IFT88: variants seen among roughly 807,000 people sequenced by gnomAD.
IFT88 encodes the protein intraflagellar transport protein 88 homolog.
IFT88 carries 74 observed loss-of-function variants against 119.5 expected under a neutral mutation model. The observed-to-expected ratio is 0.62, with a 90% CI of 0.51 to 0.75. The LOEUF is 0.75. Among genes scored for constraint, IFT88 ranks in the 30% least tolerant of loss-of-function variants. The probability of loss-of-function intolerance (pLI) is 0.00; values close to 1 mark genes in which losing one functional copy is unlikely to be tolerated. For synonymous variants in IFT88, 279 were observed against 316.7 expected (o/e 0.88, Z 1.26); for missense variants, 961 against 977.7 (o/e 0.98, Z 0.23).
intron 7 of IFT88, among the ~76,000 whole-genome samples, chr13:20,592,799 A>G (rs1044229862): frequency 6.6e-6 from 1 of 152,078 alleles, no homozygotes; most frequent in Non-Finnish European, 1.5e-5. Flanking sequence ...TGACTTCCAT[A>G]AGAATTACAT....
At chr13:20,589,413 A>T (rs2040280676) in intron 3 of IFT88, among the ~76,000 whole-genome samples, 2 of 152,196 alleles carry the variant, frequency 1.3e-5, no homozygotes, top group African/African-American at 4.8e-5. Flanking sequence ...AAGAGATTAA[A>T]TAAAGGTATC....
At chr13:20,679,525 G>A (rs1442737306) in intron 24 of IFT88, among the ~76,000 whole-genome samples, 1 of 152,294 alleles carries the variant, frequency 6.6e-6, no homozygotes, top group South Asian at 2.1e-4. Context: ...GTATCCATAC[G>A]CCTTCTCGGG....
At chr13:20,608,688 C>T (rs1429054348) in intron 13 of IFT88, among the ~76,000 whole-genome samples, 1 of 152,202 alleles carries the variant, frequency 6.6e-6, no homozygotes, top group Non-Finnish European at 1.5e-5. Flanking sequence ...CTGTGAGAAT[C>T]ATTCAAAAAC....
At chr13:20,618,358 T>A (rs777995028) in intron 14 of IFT88, among the ~76,000 whole-genome samples, 2 of 152,172 alleles carry the variant, frequency 1.3e-5, no homozygotes, top group Non-Finnish European at 2.9e-5. Context: ...GGAGTGAGTA[T>A]TTACATTTGT....
In IFT88 at chr13:20,598,717, C is replaced by G. The variant is rs1392662112; in HGVS notation, c.661C>G (p.Gln221Glu). Reference protein sequence around the residue: ...EMYAEALNTYQVIVKNKMFSN... With the variant: ...EMYAEALNTYEVIVKNKMFSN... ...GTATGCCGAAGCACTTAACACTTAT[C>G]AAGTTATAGTCAAAAATAAGATGTT... Residue 221 changes from glutamine to glutamate, a missense_variant, in exon 10 of 26, where the codon CAA becomes GAA. Physicochemically the swap from Gln to Glu is conservative, Grantham distance 29 (BLOSUM62 2). Transcript: ENST00000351808. 3.7e-6 allele frequency: 6 copies of G among 1,609,494 alleles called. No individual in the cohort carries two copies. The African/African-American group carries it at 6.7e-5, about 18-fold the overall frequency.
At chr13:20,593,172 G>C (rs2041006917) in intron 7 of IFT88, among the ~76,000 whole-genome samples, 2 of 152,162 alleles carry the variant, frequency 1.3e-5, no homozygotes, top group African/African-American at 4.8e-5. Flanking sequence ...TGGCTAGACA[G>C]TAGCCAAAAA....
intron 23 of IFT88, among the ~76,000 whole-genome samples, chr13:20,667,649 G>A (rs2054956720): frequency 6.6e-6 from 1 of 150,380 alleles, no homozygotes; most frequent in East Asian, 2.0e-4. Flanking sequence ...TCACCATGTT[G>A]GTCAGGCTGG....
intron 1 of IFT88, among the ~76,000 whole-genome samples, chr13:20,571,080 G>A (rs1424153593): frequency 1.3e-5 from 2 of 151,992 alleles, no homozygotes; most frequent in South Asian, 2.1e-4. Context: ...TGCAACCTCC[G>A]CCTCCCAGGT....
At chr13:20,627,874 T>C (rs1212296095) in intron 15 of IFT88, among the ~76,000 whole-genome samples, 1 of 152,176 alleles carries the variant, frequency 6.6e-6, no homozygotes, top group East Asian at 1.9e-4. Context: ...CTTTCCTAGC[T>C]CTTCTTGTTC....
chr13:20,683,924 C>T (rs994216030), intron 24 of IFT88, among the ~76,000 whole-genome samples: 1 of 152,216 alleles, frequency 6.6e-6, no homozygotes, highest in Non-Finnish European at 1.5e-5. Flanking sequence ...GAATCAGTGA[C>T]TCCTGTATGT....
chr13:20,671,592 C>A (rs74036421), intron 24 of IFT88, among the ~76,000 whole-genome samples: 6,530 of 152,248 alleles, frequency 0.043, 185 homozygotes, highest in Middle Eastern at 0.075. Context: ...CTCTAAAATT[C>A]TTTTACTCCT....
chr13:20,668,931 C>A (rs1024893787), intron 23 of IFT88, among the ~76,000 whole-genome samples: 4 of 152,178 alleles, frequency 2.6e-5, no homozygotes, highest in African/African-American at 7.2e-5. Context: ...GTGAGATGGC[C>A]TGCATGGGGC....
intron 22 of IFT88, among the ~76,000 whole-genome samples, chr13:20,659,164 A>C (rs1002551187): frequency 2.0e-5 from 3 of 152,228 alleles, no homozygotes; most frequent in Non-Finnish European, 2.9e-5. Flanking sequence ...TAAATTTCAG[A>C]GAACATCCAC....
chr13:20,616,095 A>T (rs3002172), intron 14 of IFT88, among the ~76,000 whole-genome samples: 24,993 of 152,220 alleles, frequency 0.16, 2,396 homozygotes, highest in African/African-American at 0.25. Flanking sequence ...AAGTAGTTAT[A>T]TAACACATTT....
At chr13:20,573,374 C>T (rs567485979) in intron 1 of IFT88, among the ~76,000 whole-genome samples, 26 of 152,192 alleles carry the variant, frequency 1.7e-4, no homozygotes, top group East Asian at 3.9e-4. Flanking sequence ...CCAAATGGAG[C>T]GCCTGTCCAA....
chr13:20,595,863 A>T (rs189402544), intron 7 of IFT88, among the ~76,000 whole-genome samples: 1 of 151,876 alleles, frequency 6.6e-6, no homozygotes, highest in East Asian at 1.9e-4. Flanking sequence ...GGGCAAGATG[A>T]GGAGACTCTG....
chr13:20,634,348 T>G (rs1460381646), intron 16 of IFT88, among the ~76,000 whole-genome samples: 1 of 152,168 alleles, frequency 6.6e-6, no homozygotes, highest in Non-Finnish European at 1.5e-5. Flanking sequence ...CCCAAGACTC[T>G]GAGTCTCATT....
chr13:20,625,833 A>G lies in IFT88; in HGVS notation c.1283A>G (p.Gln428Arg), dbSNP rs1473050785. Residue 428 changes from glutamine to arginine, a missense_variant, in exon 15 of 26, where the codon CAA becomes CGA. Transcript: ENST00000351808. ...AACAAAGCAGTTACATACTTGAGAC[A>G]AAAAGACTATAACCAAGTAAGTTTT... ...EINKAVTYLR[Q>R]KDYNQAVEIL... is the part of the protein sequence containing the mutation. The G allele has an allele frequency of 5.7e-6, 9 of 1,592,126 alleles. No homozygotes were observed. Among genetic ancestry groups the G allele is most frequent in the Non-Finnish European group, 7.7e-6 (9 of 1,171,788 alleles).
chr13:20,663,593 A>G lies in IFT88; in HGVS notation c.2164A>G (p.Ile722Val), dbSNP rs772787348. 1 of 1,611,880 alleles carries G rather than the reference A, an allele frequency of 6.2e-7. No homozygotes were observed. ...KLKRLEKMKE[I>V]REQRIKSGRD... ...GAAGAGGTTGGAAAAAATGAAAGAA[A>G]TAAGGGAACAGGTATCTCATATGGG... The change falls in exon 23 of 26, where the codon ATA (isoleucine) becomes GTA (valine). Residue 722 changes from isoleucine to valine, a missense_variant. Coordinates refer to ENST00000351808, the MANE Select transcript of IFT88 (RefSeq NM_006531.5).
Sources: allele counts gnomAD v4.1 joint callset (sites outside exome capture counted in the v4.1 genomes callset), GRCh38; gene constraint gnomAD v4.1.1; transcripts MANE v1.5; gene names NCBI Gene and HGNC (gene_info 2026-07-23, HGNC 2026-07-21).